P2RY14: variants seen among roughly 807,000 people sequenced by gnomAD.
P2RY14 encodes purinergic receptor P2Y14.
Under a neutral mutation model 0.9 loss-of-function variants are expected in P2RY14, and 2 were observed. The ratio of observed to expected loss-of-function variants is 2.16; its 90% CI spans 0.88 to 6.79. The LOEUF (loss-of-function observed/expected upper bound fraction) is 6.79, where lower values mean the gene tolerates loss of function less well. Among genes scored for constraint, P2RY14 ranks in the 30% most tolerant of loss-of-function variants. The probability of loss-of-function intolerance (pLI) is 0.05; values close to 1 mark genes in which losing one functional copy is unlikely to be tolerated. For synonymous variants in P2RY14, 158 were observed against 147.2 expected (o/e 1.07, Z -0.53); for missense variants, 378 against 400.1 (o/e 0.94, Z 0.47).
intron 1 of P2RY14, among the ~76,000 whole-genome samples, 199 bp from the exon 2 acceptor site, chr3:151,219,841 T>TA (rs759206944): frequency 1.3e-5 from 2 of 151,424 alleles, no homozygotes; most frequent in South Asian, 2.1e-4. Context: ...GTGGGAAACT[T>TA]AAACTCTGAG....
intron 1 of P2RY14, among the ~76,000 whole-genome samples, chr3:151,240,061 G>C (rs1245457064): frequency 6.7e-6 from 1 of 150,102 alleles, no homozygotes; most frequent in Non-Finnish European, 1.5e-5. Flanking sequence ...GTGTGTGTGT[G>C]TATGGCCACC....
chr3:151,256,864 T>G (rs1016703130), intron 1 of P2RY14, among the ~76,000 whole-genome samples: 3 of 145,848 alleles, frequency 2.1e-5, no homozygotes, highest in Non-Finnish European at 4.5e-5. Flanking sequence ...TTTTTTGTTG[T>G]TTTTTTTTTT....
Position 151,224,167 on chromosome 3 carries a change from T to C in P2RY14, c.-132-4525A>G, listed in dbSNP as rs933059214. Among the ~76,000 whole-genome samples, 5 of 152,252 alleles carry C rather than the reference T, an allele frequency of 3.3e-5. No individual in the cohort carries two copies. The South Asian group carries it at 1.0e-3, about 31-fold the overall frequency. ...ATGGATTGCCTTCAAATAATGCTTT[T>C]ATCAGTACCCACTTATGACGTGCAT... On this transcript the variant is annotated intron_variant, in intron 1 of 2. Transcript: ENST00000309170.
chr3:151,221,740 C>T (rs1729407558), intron 1 of P2RY14, among the ~76,000 whole-genome samples: 2 of 152,340 alleles, frequency 1.3e-5, no homozygotes, highest in South Asian at 4.1e-4. Context: ...CAGAAGTTTG[C>T]TGCAGGGGCA....
At chr3:151,269,490 A>C (rs765814858) in intron 1 of P2RY14, 3 of 290,898 alleles carry the variant, frequency 1.0e-5, no homozygotes, top group Admixed American at 9.1e-5. Context: ...GTGAAAGCAG[A>C]ACAGAAGTAT....
chr3:151,233,483 C>G (rs1049830420), intron 1 of P2RY14, among the ~76,000 whole-genome samples: 1 of 152,204 alleles, frequency 6.6e-6, no homozygotes, highest in African/African-American at 2.4e-5. Flanking sequence ...CCTGTAATCC[C>G]AACACTTTGG....
intron 1 of P2RY14, among the ~76,000 whole-genome samples, chr3:151,236,381 T>C (rs556238316): frequency 6.6e-5 from 10 of 152,222 alleles, no homozygotes; most frequent in Non-Finnish European, 1.2e-4. Flanking sequence ...ATTAGAATAA[T>C]CATAATTCTT....
chr3:151,224,506 G>A (rs904723152), intron 1 of P2RY14, among the ~76,000 whole-genome samples: 5 of 150,918 alleles, frequency 3.3e-5, no homozygotes. Flanking sequence ...TTTATGTGTC[G>A]TGTATTTATA....
chr3:151,265,053 A>G (rs111860077), intron 1 of P2RY14, among the ~76,000 whole-genome samples: 18 of 151,746 alleles, frequency 1.2e-4, no homozygotes, highest in African/African-American at 3.6e-4. Flanking sequence ...CTCTCACCCT[A>G]TTTTCCAGAA....
chr3:151,238,055 A>T (rs1448944992), intron 1 of P2RY14, among the ~76,000 whole-genome samples: 1 of 152,220 alleles, frequency 6.6e-6, no homozygotes. Flanking sequence ...GGATCAAATT[A>T]TCGTTTTTTT....
At chr3:151,261,102 GTTTA>G (rs377191928) in intron 1 of P2RY14, among the ~76,000 whole-genome samples, 88 of 152,120 alleles carry the variant, frequency 5.8e-4, no homozygotes, top group Non-Finnish European at 8.5e-4. Flanking sequence ...TCAGGGCCAT[GTTTA>G]TTTATGCATT....
At chr3:151,219,896 C>A (rs978018899) in intron 1 of P2RY14, among the ~76,000 whole-genome samples, 2 of 135,102 alleles carry the variant, frequency 1.5e-5, no homozygotes, top group Non-Finnish European at 3.2e-5. Flanking sequence ...ATATTACCCC[C>A]CCCCCCCCCT....
At chr3:151,269,977 C>G (rs1740570799) in intron 1 of P2RY14, 2 of 314,302 alleles carry the variant, frequency 6.4e-6, no homozygotes, top group Admixed American at 8.6e-5. Flanking sequence ...TACAGTACTA[C>G]TTGGTTTTCA....
At chr3:151,216,090 G>A (rs1728163464) in intron 2 of P2RY14, among the ~76,000 whole-genome samples, 1 of 152,170 alleles carries the variant, frequency 6.6e-6, no homozygotes, top group African/African-American at 2.4e-5. Context: ...CTCTCCAGCT[G>A]TTTGTCTCTT....
intron 1 of P2RY14, chr3:151,269,903 C>T (rs748268754): frequency 4.8e-5 from 22 of 456,820 alleles, no homozygotes; most frequent in Admixed American, 1.9e-4. Flanking sequence ...GTTTACTGAC[C>T]GTTCTGATGC....
At chr3:151,237,045 CTTTTT>C (rs56926535) in intron 1 of P2RY14, among the ~76,000 whole-genome samples, 1 of 125,888 alleles carries the variant, frequency 7.9e-6, no homozygotes. Context: ...TGATGCCAAA[CTTTTT>C]TTTTTTTTTT....
At chr3:151,276,269 A>G (rs898823765) in intron 1 of P2RY14, among the ~76,000 whole-genome samples, 1 of 152,216 alleles carries the variant, frequency 6.6e-6, no homozygotes, top group Admixed American at 6.5e-5. Flanking sequence ...CATGTCTGAC[A>G]AGCTCACTGG....
chr3:151,250,154 C>T (rs1238951639), intron 1 of P2RY14, among the ~76,000 whole-genome samples: 1 of 152,122 alleles, frequency 6.6e-6, no homozygotes, highest in Non-Finnish European at 1.5e-5. Flanking sequence ...TAATCTAGTC[C>T]ACTCTGCCTT....
intron 1 of P2RY14, among the ~76,000 whole-genome samples, chr3:151,259,670 G>A (rs1476176400): frequency 6.6e-6 from 1 of 152,164 alleles, no homozygotes; most frequent in Non-Finnish European, 1.5e-5. Context: ...CCTCTTTGCA[G>A]TGAATGCTAC....
Sources: allele counts gnomAD v4.1 joint callset (sites outside exome capture counted in the v4.1 genomes callset), GRCh38; gene constraint gnomAD v4.1.1; transcripts MANE v1.5; gene names NCBI Gene and HGNC (gene_info 2026-07-23, HGNC 2026-07-21).